Variants in TTC39B observed in about 807,000 individuals in gnomAD.
TTC39B encodes tetratricopeptide repeat protein 39B.
A neutral mutation model predicts 96.6 loss-of-function variants in TTC39B; 92 were observed. That is an observed-to-expected ratio of 0.95 (90% CI 0.80 to 1.13). The LOEUF (loss-of-function observed/expected upper bound fraction) is 1.13, where lower values mean the gene tolerates loss of function less well. Among genes scored for constraint, TTC39B ranks in the 50% most tolerant of loss-of-function variants. The pLI is 0.00. For missense variants in TTC39B, 955 were observed against 809.3 expected (o/e 1.18, Z -2.18); for synonymous variants, 367 against 299.4 (o/e 1.23, Z -2.33).
chr9:15,305,923 G>C (rs772077088), intron 1 of TTC39B, among the ~76,000 whole-genome samples: 1 of 152,020 alleles, frequency 6.6e-6, no homozygotes, highest in Non-Finnish European at 1.5e-5. Flanking sequence ...CAATGCAAGG[G>C]ACAGGCTGTA....
intron 3 of TTC39B, 105 bp downstream of exon 3, chr9:15,225,812 T>C: frequency 9.9e-7 from 1 of 1,007,704 alleles, no homozygotes; most frequent in Non-Finnish European, 1.4e-6. Flanking sequence ...CTGACCTCAT[T>C]GGTTTGTCAA....
At chr9:15,254,828 T>TACACACAC (rs35980691) in intron 2 of TTC39B, among the ~76,000 whole-genome samples, 1 of 143,766 alleles carries the variant, frequency 7.0e-6, no homozygotes, top group Non-Finnish European at 1.5e-5. Flanking sequence ...CATAACTTTA[T>TACACACAC]ACACACACAC....
intron 19 of TTC39B, among the ~76,000 whole-genome samples, chr9:15,172,749 C>T (rs10810356): frequency 0.69 from 104,864 of 151,976 alleles, 36,519 homozygotes; most frequent in East Asian, 0.87. Context: ...AAATGGAATA[C>T]TTTTACATAC....
chr9:15,251,011 T>C (rs543538), intron 2 of TTC39B, among the ~76,000 whole-genome samples: 17,333 of 151,404 alleles, frequency 0.11, 1,418 homozygotes, highest in African/African-American at 0.23. Context: ...GCCTGGCCAA[T>C]ATGCTGAAAC....
intron 19 of TTC39B, among the ~76,000 whole-genome samples, chr9:15,172,730 G>C (rs1386361961): frequency 1.3e-5 from 2 of 152,104 alleles, no homozygotes; most frequent in African/African-American, 4.8e-5. Flanking sequence ...GAATTGTTAA[G>C]AATCAGAAAA....
chr9:15,184,069 T>C (rs964480530), intron 16 of TTC39B, among the ~76,000 whole-genome samples: 3 of 151,294 alleles, frequency 2.0e-5, no homozygotes, highest in Non-Finnish European at 4.4e-5. Flanking sequence ...AACAACCCAA[T>C]GAAAAATTAG....
chr9:15,180,076 A>C (rs928526480), intron 17 of TTC39B, among the ~76,000 whole-genome samples: 34 of 152,230 alleles, frequency 2.2e-4, no homozygotes, highest in African/African-American at 8.2e-4. Flanking sequence ...ACATTCAAAG[A>C]AAATTACATG....
intron 9 of TTC39B, 37 bp from the exon 10 acceptor site, chr9:15,191,292 G>C: frequency 2.1e-6 from 3 of 1,458,200 alleles, no homozygotes; most frequent in Non-Finnish European, 2.8e-6. Context: ...TTATGTGTTA[G>C]TGTTTCTAAC....
chr9:15,298,401 T>A (rs997183133), intron 1 of TTC39B, among the ~76,000 whole-genome samples: 4 of 152,114 alleles, frequency 2.6e-5, no homozygotes, highest in African/African-American at 9.7e-5. Flanking sequence ...GACTGCATAA[T>A]TTATAAAGAA....
chr9:15,172,256 T>C (rs112377469), intron 19 of TTC39B, 147 bp from the exon 20 acceptor site: 12 of 484,480 alleles, frequency 2.5e-5, no homozygotes, highest in African/African-American at 1.6e-4. Context: ...CAGATTCTGG[T>C]TCTGTTGGGG....
chr9:15,277,450 GCA>G (rs1315709848), intron 1 of TTC39B, among the ~76,000 whole-genome samples: 1 of 152,106 alleles, frequency 6.6e-6, no homozygotes, highest in Admixed American at 6.5e-5. Flanking sequence ...TAATTTATGA[GCA>G]CAGAGCCCAA....
At chr9:15,225,881 C>T in intron 3 of TTC39B, 36 bp downstream of exon 3, 1 of 1,587,424 alleles carries the variant, frequency 6.3e-7, no homozygotes, top group Non-Finnish European at 8.6e-7. Flanking sequence ...ACTGTCCTCC[C>T]CTCTTCCCCC....
chr9:15,194,120 C>T (rs1025659901), intron 8 of TTC39B, among the ~76,000 whole-genome samples: 1 of 152,052 alleles, frequency 6.6e-6, no homozygotes, highest in African/African-American at 2.4e-5. Flanking sequence ...ATTTGTAAAT[C>T]TGAGTGACGA....
intron 8 of TTC39B, among the ~76,000 whole-genome samples, chr9:15,198,330 G>A (rs1290374246): frequency 6.6e-6 from 1 of 151,876 alleles, no homozygotes; most frequent in East Asian, 1.9e-4. Context: ...GGTGGTATGT[G>A]CCTGTAGTCC....
chr9:15,175,397 T>A (rs888612239), intron 18 of TTC39B, among the ~76,000 whole-genome samples: 2 of 152,148 alleles, frequency 1.3e-5, no homozygotes, highest in African/African-American at 4.8e-5. Flanking sequence ...CGCATACGGA[T>A]CTTTAAAGAT....
intron 2 of TTC39B, chr9:15,250,081 C>T (rs1822465046): frequency 7.8e-7 from 1 of 1,277,650 alleles, no homozygotes; most frequent in Non-Finnish European, 1.0e-6. Context: ...TCCTTGGTCT[C>T]CAGTGAGACT....
At chr9:15,255,830 C>CT (rs1337806186) in intron 2 of TTC39B, among the ~76,000 whole-genome samples, 18 of 151,366 alleles carry the variant, frequency 1.2e-4, no homozygotes, top group Admixed American at 1.3e-4. Context: ...CAGCCACAGT[C>CT]TTTTTTTTTA....
At chr9:15,290,691 C>T (rs1359762300) in intron 1 of TTC39B, among the ~76,000 whole-genome samples, 1 of 152,212 alleles carries the variant, frequency 6.6e-6, no homozygotes, top group Admixed American at 6.5e-5. Flanking sequence ...TCACATGTAA[C>T]ATGTGGATCC....
chr9:15,215,339 C>G (rs1419141826), intron 3 of TTC39B, among the ~76,000 whole-genome samples: 1 of 151,688 alleles, frequency 6.6e-6, no homozygotes, highest in Admixed American at 6.6e-5. Flanking sequence ...AGGTGAATCA[C>G]TTGAGGTCAG....
Sources: gnomAD v4.1 joint callset for allele counts (sites outside exome capture counted in the v4.1 genomes callset) on GRCh38, gnomAD v4.1.1 for gene constraint, MANE v1.5 for transcripts, NCBI Gene and HGNC (gene_info 2026-07-23, HGNC 2026-07-21) for gene names.